Variants in IQSEC1 observed in about 807,000 individuals in gnomAD.
IQSEC1 encodes the protein IQ motif and SEC7 domain-containing protein 1.
IQSEC1 carries 31 observed loss-of-function variants against 91.0 expected under a neutral mutation model. The ratio of observed to expected loss-of-function variants is 0.34; its 90% CI spans 0.26 to 0.46. The LOEUF (loss-of-function observed/expected upper bound fraction) is 0.46, where lower values mean the gene tolerates loss of function less well. IQSEC1 is among the 20% of genes least tolerant of loss of function. The pLI is 1.00. For missense variants in IQSEC1, 1,388 were observed against 1,575.6 expected (o/e 0.88, Z 2.02); for synonymous variants, 699 against 662.6 (o/e 1.05, Z -0.84).
rs375494527 is a variant in IQSEC1 at position 13,065,138 on chromosome 3, C to T, written c.23+7854G>A. 4.2e-4 allele frequency among the ~76,000 whole-genome samples: 64 copies of T among 152,354 alleles called. 2 individuals are homozygous for T. In the South Asian group the frequency reaches 8.1e-3, roughly 19 times the overall value. ...AGGGCTTCCCATGGAAGGAGACCAC[C>T]ACCTCCTGCAGGGGCCGGCTGGTCA... On this transcript the variant is annotated intron_variant, in intron 1 of 13. Coordinates refer to ENST00000613206, the MANE Select transcript of IQSEC1 (RefSeq NM_001134382.3).
chr3:13,072,315 T>G (rs1309904145), intron 1 of IQSEC1, among the ~76,000 whole-genome samples: 1 of 152,218 alleles, frequency 6.6e-6, no homozygotes, highest in Non-Finnish European at 1.5e-5. Flanking sequence ...TGAGGGAAGC[T>G]GGCATTCGAA....
chr3:12,959,366 G>A (rs777166303), intron 1 of IQSEC1, among the ~76,000 whole-genome samples: 8 of 152,158 alleles, frequency 5.3e-5, no homozygotes, highest in African/African-American at 1.9e-4. Context: ...CCATCCAGGG[G>A]ACCCCCAATC....
chr3:13,084,799 G>C (rs1705708271), intron 2 of IQSEC1, among the ~76,000 whole-genome samples: 1 of 152,178 alleles, frequency 6.6e-6, no homozygotes, highest in African/African-American at 2.4e-5. Flanking sequence ...CCAGAACTGG[G>C]GAGGCGATAG....
At chr3:12,995,072 C>G (rs577020791) in intron 1 of IQSEC1, 1 of 152,356 alleles carries the variant, frequency 6.6e-6, no homozygotes, top group Non-Finnish European at 1.5e-5. Context: ...GCCTCTCTCC[C>G]GCAGCCGGAA....
At position 12,908,251 on chromosome 3, in the gene IQSEC1, C is replaced by A. The variant is rs979333980; in HGVS notation, c.2755+98G>T. On this transcript the variant is annotated intron_variant, in intron 12 of 13. Coordinates refer to ENST00000613206, the MANE Select transcript of IQSEC1 (RefSeq NM_001134382.3). This position sits in a 1 kb window ranked among gnomAD's most constrained non-coding sequence, Gnocchi z 4.9. ...GGGAAATGCCGCACTGGCTTCGCCG[C>A]AGGCCCTGCCCCGCGTGATGCATGC... The A allele has an allele frequency of 1.5e-6, 2 of 1,316,840 alleles. No individual in the cohort carries two copies. Among genetic ancestry groups the A allele is most frequent in the East Asian group, 4.8e-5 (2 of 41,802 alleles). 81.6% of individuals were successfully genotyped at this position (1,316,840 alleles called of 1,614,324 possible).
In IQSEC1 at chr3:13,269,221, A is replaced by G. The variant is rs557329322; in HGVS notation, c.272+13490T>C. On this transcript the variant is annotated intron_variant, in intron 1 of 15. Transcript: ENST00000648114. ...AACTCAGGCCAACACTCCTGCCCTC[A>G]GGGCAGGACGACAGCCAGGCAGGAG... Among the ~76,000 whole-genome samples the G allele has an allele frequency of 1.7e-4, 26 of 152,308 alleles. 1 individual carries two copies. The South Asian group carries it at 4.4e-3, about 26-fold the overall frequency.
rs781378913 is a variant in IQSEC1 at position 13,008,290 on chromosome 3, G to A, written c.23+64702C>T. Among the ~76,000 whole-genome samples, 4 of 151,622 alleles carry A rather than the reference G, an allele frequency of 2.6e-5. No homozygotes were observed. The highest frequency in any genetic ancestry group is 1.3e-4 in the Admixed American group (2 of 15,284). ...CGTCGAAGCTCAGAGGTGAGCCTCA[G>A]CTGACCCTCCCTCCAGCAAATGTTT... is the stretch of plus-strand genomic sequence containing the variant. On this transcript the variant is annotated intron_variant, in intron 1 of 13. Coordinates refer to ENST00000613206, the MANE Select transcript of IQSEC1 (RefSeq NM_001134382.3). The surrounding 1 kb of genome is among the most constrained non-coding windows in gnomAD (Gnocchi z 4.1).
At chr3:13,216,729 G>A (rs1259358199) in intron 1 of IQSEC1, among the ~76,000 whole-genome samples, 1 of 152,222 alleles carries the variant, frequency 6.6e-6, no homozygotes, top group African/African-American at 2.4e-5. Context: ...GGTGAGCAGT[G>A]GACAGTGGGT....
At chr3:13,004,688 A>G (rs1702560292) in intron 1 of IQSEC1, among the ~76,000 whole-genome samples, 1 of 152,190 alleles carries the variant, frequency 6.6e-6, no homozygotes, top group Admixed American at 6.5e-5. Flanking sequence ...GAACGGAATC[A>G]GCAAGAGTAG....
upstream of IQSEC1, among the ~76,000 whole-genome samples, chr3:13,075,841 C>T (rs1180725319): frequency 1.3e-5 from 2 of 152,210 alleles, no homozygotes; most frequent in Non-Finnish European, 2.9e-5. Context: ...GGGATTCCGA[C>T]TCTGATCTCT....
intron 2 of IQSEC1, among the ~76,000 whole-genome samples, chr3:13,130,697 G>T (rs1192538796): frequency 1.3e-5 from 2 of 151,994 alleles, no homozygotes; most frequent in Non-Finnish European, 2.9e-5. Context: ...AACACTTTGG[G>T]AGGCTGAGGC....
At chr3:13,042,627 C>T (rs1704323856) in intron 1 of IQSEC1, among the ~76,000 whole-genome samples, 1 of 152,248 alleles carries the variant, frequency 6.6e-6, no homozygotes, top group Admixed American at 6.5e-5. Flanking sequence ...TAGCTGGTGC[C>T]TCCGAGGGCT....
At chr3:13,112,624 C>T (rs774935892) in intron 2 of IQSEC1, among the ~76,000 whole-genome samples, 3 of 152,250 alleles carry the variant, frequency 2.0e-5, no homozygotes, top group Admixed American at 6.5e-5. Flanking sequence ...ATGGTGGATG[C>T]GGCAGGAGCC....
chr3:13,073,551 G>T (rs968164616), upstream of IQSEC1, among the ~76,000 whole-genome samples: 5 of 151,764 alleles, frequency 3.3e-5, no homozygotes, highest in Admixed American at 3.3e-4. Context: ...CATCAGGCGC[G>T]GCCGCTCGGC....
chr3:13,099,984 CG>C lies in IQSEC1; in HGVS notation c.303-52463del, dbSNP rs1231629410. Among the ~76,000 whole-genome samples the C allele has an allele frequency of 4.1e-5, 5 of 122,504 alleles. 1 individual carries two copies. Among genetic ancestry groups the C allele is most frequent in the Non-Finnish European group, 8.9e-5 (5 of 56,396 alleles). 80.4% of individuals were successfully genotyped at this position (122,504 alleles called of 152,430 possible). Reference sequence around the variant, plus strand: ...GGAAAGGAGAGGAGGTCGGAGGTGACGGGGACAGTGGGACAGGCCTTGGAAG... The same window carrying C: ...GGAAAGGAGAGGAGGTCGGAGGTGACGGGACAGTGGGACAGGCCTTGGAAG... On this transcript the variant is annotated intron_variant, in intron 2 of 15. Transcript: ENST00000648114.
At chr3:13,170,678 T>C (rs1693590091) in intron 1 of IQSEC1, among the ~76,000 whole-genome samples, 1 of 152,216 alleles carries the variant, frequency 6.6e-6, no homozygotes, top group African/African-American at 2.4e-5. Context: ...TTTGGGTCTT[T>C]ATATCATAAG....
intron 1 of IQSEC1, among the ~76,000 whole-genome samples, chr3:13,190,539 G>C (rs986474552): frequency 1.5e-5 from 2 of 131,278 alleles, no homozygotes; most frequent in African/African-American, 5.8e-5. Context: ...CTGGGTGACA[G>C]AGCAAGACCC....
At chr3:13,213,754 C>T (rs1265146215) in intron 1 of IQSEC1, among the ~76,000 whole-genome samples, 1 of 152,126 alleles carries the variant, frequency 6.6e-6, no homozygotes, top group Non-Finnish European at 1.5e-5. Flanking sequence ...TGAGTGGGTC[C>T]CAGGGATGGG....
chr3:13,209,332 G>A (rs1373308125), intron 1 of IQSEC1, among the ~76,000 whole-genome samples: 2 of 152,140 alleles, frequency 1.3e-5, no homozygotes, highest in Admixed American at 6.5e-5. Context: ...TCTCCAATAC[G>A]GTAAATTAGC....
Sources: gnomAD v4.1 joint callset for allele counts (sites outside exome capture counted in the v4.1 genomes callset) on GRCh38, gnomAD v4.1.1 for gene constraint, Gnocchi (gnomAD v3.1) non-coding constraint, MANE v1.5 for transcripts, NCBI Gene and HGNC (gene_info 2026-07-23, HGNC 2026-07-21) for gene names.